The following NCOA2 variants were observed in gnomAD, a reference collection of about 807,000 sequenced individuals.
The protein encoded by NCOA2 is class E basic helix-loop-helix protein 75.
NCOA2 carries 21 observed loss-of-function variants against 145.1 expected under a neutral mutation model. The observed-to-expected ratio is 0.14, with a 90% confidence interval of 0.10 to 0.21. The LOEUF is 0.21. NCOA2 is among the 10% of genes least tolerant of loss of function. NCOA2 has a pLI of 1.00. For synonymous variants in NCOA2, 619 were observed against 637.5 expected, an observed-to-expected ratio of 0.97 and a Z score of 0.44; for missense variants, 1,472 against 1,837.6, an observed-to-expected ratio of 0.80 and a Z score of 3.64.
intron 2 of NCOA2, among the ~76,000 whole-genome samples, chr8:70,241,032 T>C (rs927298760): frequency 5.9e-5 from 9 of 152,152 alleles, no homozygotes; most frequent in East Asian, 1.9e-4. Context: ...GCTTCTAACA[T>C]GTAGTTACTG....
chr8:70,163,450 G>C lies in NCOA2; in HGVS notation c.832+15C>G. ...TAAAATGATTCCTTTGGTCTTCTTT[G>C]GAGAGGAAATTTACCTTGGAGATCC... On this transcript the variant is annotated intron_variant, in intron 8 of 22. Transcript: ENST00000452400. 6.3e-7 allele frequency: 1 copy of C among 1,580,662 alleles called. No homozygotes were observed. The highest frequency in any genetic ancestry group is 8.7e-7 in the Non-Finnish European group (1 of 1,150,228).
intron 13 of NCOA2, among the ~76,000 whole-genome samples, chr8:70,144,396 C>T (rs1301425678): frequency 1.3e-5 from 2 of 152,094 alleles, no homozygotes; most frequent in Non-Finnish European, 2.9e-5. Flanking sequence ...TGAAATAAGT[C>T]TCAGCTATAG....
the NCOA2 span, among the ~76,000 whole-genome samples, chr8:70,441,454 A>T: frequency 6.6e-6 from 1 of 150,876 alleles, no homozygotes; most frequent in African/African-American, 2.4e-5. Context: ...AGAAAAAAGA[A>T]AGAAAAGAAA....
intron 7 of NCOA2, among the ~76,000 whole-genome samples, chr8:70,164,696 A>G (rs1315466710): frequency 6.6e-6 from 1 of 152,106 alleles, no homozygotes; most frequent in African/African-American, 2.4e-5. Flanking sequence ...GTAGTCTTTT[A>G]AAACTGTTTC....
chr8:70,325,983 C>T (rs1459452481), intron 1 of NCOA2, among the ~76,000 whole-genome samples: 2 of 152,162 alleles, frequency 1.3e-5, no homozygotes, highest in African/African-American at 2.4e-5. Context: ...TCAAATGAGG[C>T]CACTAGGAAA....
At chr8:70,217,992 G>A (rs1235784880) in intron 2 of NCOA2, among the ~76,000 whole-genome samples, 1 of 151,822 alleles carries the variant, frequency 6.6e-6, no homozygotes, top group Non-Finnish European at 1.5e-5. Context: ...TCAAAGGGAA[G>A]GTAAAGTGCA....
intron 1 of NCOA2, among the ~76,000 whole-genome samples, chr8:70,395,397 G>A (rs960788051): frequency 5.3e-5 from 8 of 152,150 alleles, no homozygotes; most frequent in African/African-American, 7.2e-5. Context: ...CTCAAGCACC[G>A]GCAAGCCCCC....
intron 12 of NCOA2, 63 bp downstream of exon 12, chr8:70,148,210 C>A (rs768931001): frequency 2.0e-6 from 3 of 1,512,836 alleles, no homozygotes; most frequent in African/African-American, 2.8e-5. Context: ...CTTCAATAAT[C>A]CCTGTTTCTG....
chr8:70,174,651 G>T, intron 5 of NCOA2, 105 bp downstream of exon 5: 1 of 1,063,422 alleles, frequency 9.4e-7, no homozygotes, highest in Non-Finnish European at 1.4e-6. Flanking sequence ...CATAGTACTA[G>T]TACTAGTGTG....
rs1809142943 is a variant in NCOA2 at position 70,351,076 on chromosome 8, C to T, written c.-77+52624G>A. Among the ~76,000 whole-genome samples, 3 of 152,166 alleles carry T rather than the reference C, an allele frequency of 2.0e-5. No homozygotes were observed. The South Asian group carries it at 6.2e-4, about 31-fold the overall frequency. On this transcript the variant is annotated intron_variant, in intron 1 of 22. Coordinates refer to ENST00000452400, the MANE Select transcript of NCOA2 (RefSeq NM_006540.4). ...TTGTAAGTACCCATTGTTGCAATAA[C>T]AAACCCACTCCCACAATAATGACAT...
intron 2 of NCOA2, among the ~76,000 whole-genome samples, chr8:70,218,615 C>T (rs1260118825): frequency 6.6e-6 from 1 of 152,120 alleles, no homozygotes; most frequent in Non-Finnish European, 1.5e-5. Flanking sequence ...AATTCCAGAA[C>T]CCTTCTCAGA....
At chr8:70,142,938 GTGTTT>G (rs1810610759) in intron 13 of NCOA2, among the ~76,000 whole-genome samples, 1 of 150,894 alleles carries the variant, frequency 6.6e-6, no homozygotes, top group Admixed American at 6.6e-5. Flanking sequence ...CTCTCAGTCT[GTGTTT>G]TGTTTTTTTT....
chr8:70,409,181 GC>G, the NCOA2 span, among the ~76,000 whole-genome samples: 3 of 152,266 alleles, frequency 2.0e-5, no homozygotes, highest in South Asian at 4.2e-4. Flanking sequence ...ATCCCAGCAA[GC>G]TTTTTAAGTA....
chr8:70,146,898 C>T (rs1811126798), intron 12 of NCOA2, among the ~76,000 whole-genome samples: 1 of 151,738 alleles, frequency 6.6e-6, no homozygotes, highest in Admixed American at 6.6e-5. Flanking sequence ...ACCATGTTGG[C>T]CAGGCTGGTC....
At chr8:70,115,766 T>C (rs1410407753) in intron 22 of NCOA2, among the ~76,000 whole-genome samples, 1 of 152,222 alleles carries the variant, frequency 6.6e-6, no homozygotes. Flanking sequence ...ATCTTCTGGT[T>C]AGGTCAAATA....
At chr8:70,181,665 A>C (rs938464750) in intron 4 of NCOA2, among the ~76,000 whole-genome samples, 1 of 152,238 alleles carries the variant, frequency 6.6e-6, no homozygotes, top group Non-Finnish European at 1.5e-5. Context: ...TTTTATAATT[A>C]ATTCCTCTGC....
intron 1 of NCOA2, among the ~76,000 whole-genome samples, chr8:70,365,004 T>G (rs78167479): frequency 0.1 from 15,910 of 152,076 alleles, 1,251 homozygotes; most frequent in East Asian, 0.4. Context: ...TATATTCACT[T>G]CAATCCAATG....
chr8:70,403,604 G>T (rs1312997239), intron 1 of NCOA2, 96 bp downstream of exon 1: 10 of 324,872 alleles, frequency 3.1e-5, no homozygotes, highest in Non-Finnish European at 5.5e-5. Flanking sequence ...GCTCGGCGCA[G>T]GAAGGGCAGT....
At chr8:70,323,806 A>C (rs1806307092) in intron 1 of NCOA2, among the ~76,000 whole-genome samples, 1 of 152,198 alleles carries the variant, frequency 6.6e-6, no homozygotes. Context: ...TAGTTTTTAA[A>C]ATGAACTCCC....
Sources: gnomAD v4.1 joint callset for allele counts (sites outside exome capture counted in the v4.1 genomes callset) on GRCh38, gnomAD v4.1.1 for gene constraint, MANE v1.5 for transcripts, NCBI Gene and HGNC (gene_info 2026-07-23, HGNC 2026-07-21) for gene names.